KIF13B: variants seen among roughly 807,000 people sequenced by gnomAD.
KIF13B encodes the protein kinesin family member 13B, also known as kinesin-like protein KIF13B.
In KIF13B, 127 loss-of-function variants were observed where a neutral mutation model predicts 222.0. The observed-to-expected ratio is 0.57, with a 90% CI of 0.50 to 0.66. The LOEUF is 0.66. KIF13B is among the 30% of genes least tolerant of loss of function. KIF13B has a pLI of 0.00. For missense variants in KIF13B, 2,173 were observed against 2,379.0 expected, an observed-to-expected ratio of 0.91 and a Z score of 1.80; for synonymous variants, 976 against 919.0, an observed-to-expected ratio of 1.06 and a Z score of -1.12.
intron 2 of KIF13B, among the ~76,000 whole-genome samples, chr8:29,235,204 T>C (rs1031237391): frequency 6.6e-6 from 1 of 152,164 alleles, no homozygotes; most frequent in African/African-American, 2.4e-5. Flanking sequence ...TGAAACAGCA[T>C]TGACACAAAA....
intron 17 of KIF13B, 42 bp from the exon 18 acceptor site, chr8:29,146,582 A>C (rs755283548): frequency 5.1e-5 from 80 of 1,559,732 alleles, no homozygotes; most frequent in Non-Finnish European, 7.0e-5. Flanking sequence ...GGAAGAGATT[A>C]ACACAAAGCA....
intron 32 of KIF13B, 33 bp from the exon 33 acceptor site, chr8:29,110,103 T>G: frequency 6.5e-7 from 1 of 1,539,574 alleles, no homozygotes; most frequent in Non-Finnish European, 8.8e-7. Flanking sequence ...TTATAAAAGC[T>G]TCTTGATGTA....
Position 29,072,238 on chromosome 8 carries a change from T to C in KIF13B, c.4600A>G (p.Lys1534Glu), listed in dbSNP as rs1484870909. 5 of 1,470,936 alleles carry C rather than the reference T, an allele frequency of 3.4e-6. No individual in the cohort carries two copies. The highest frequency in any genetic ancestry group is 5.5e-5 in the East Asian group (2 of 36,652). The allele number at this position is 1,470,936 out of a possible 1,614,324, so 91.1% of individuals were successfully genotyped here. The change falls in exon 39 of 40, where the codon AAA becomes GAA. Residue 1534 changes from lysine (K) to glutamate (E), a missense_variant. Transcript: ENST00000524189. ...PALKICDKPA[K>E]VPSPPPVIAV... is the part of the protein sequence containing the mutation. Reference sequence around the variant, plus strand: ...ATGACAGGCGGTGGGGAAGGCACTTTGGCAGGTTTGTCGCAGATCTTCAAG... The same window carrying C: ...ATGACAGGCGGTGGGGAAGGCACTTCGGCAGGTTTGTCGCAGATCTTCAAG...
chr8:29,124,153 A>G (rs369415564), intron 26 of KIF13B, 30 bp from the exon 27 acceptor site: 20 of 1,289,062 alleles, frequency 1.6e-5, no homozygotes, highest in Non-Finnish European at 2.2e-5. Flanking sequence ...ATCATATTCA[A>G]TGTAATGTCA....
intron 37 of KIF13B, among the ~76,000 whole-genome samples, chr8:29,082,559 C>T (rs1016408255): frequency 4.6e-5 from 7 of 152,014 alleles, no homozygotes; most frequent in African/African-American, 1.7e-4. Context: ...GGAGGACTTG[C>T]GCCCAGGAGT....
intron 18 of KIF13B, 42 bp downstream of exon 18, chr8:29,146,336 T>C (rs1158142745): frequency 6.2e-7 from 1 of 1,602,006 alleles, no homozygotes; most frequent in African/African-American, 1.3e-5. Flanking sequence ...GGCGATCTTA[T>C]CCAATGAGAT....
At chr8:29,263,098 T>C, upstream of KIF13B, 1 of 1,497,196 alleles carries the variant, frequency 6.7e-7, no homozygotes, top group Non-Finnish European at 9.0e-7. Flanking sequence ...CTCTTCGGGG[T>C]TGACCCGGCG....
chr8:29,162,578 C>T (rs954232717), intron 12 of KIF13B, among the ~76,000 whole-genome samples: 38 of 152,194 alleles, frequency 2.5e-4, no homozygotes, highest in African/African-American at 9.2e-4. Flanking sequence ...CTAAGTTATC[C>T]TAGTTATCAC....
At chr8:29,178,698 G>A (rs542961067) in intron 8 of KIF13B, among the ~76,000 whole-genome samples, 4 of 147,702 alleles carry the variant, frequency 2.7e-5, no homozygotes, top group African/African-American at 9.9e-5. Flanking sequence ...GTTTTATGCT[G>A]AAAAGGAAAT....
At chr8:29,168,424 A>G (rs1812096039) in intron 10 of KIF13B, among the ~76,000 whole-genome samples, 1 of 151,992 alleles carries the variant, frequency 6.6e-6, no homozygotes, top group African/African-American at 2.4e-5. Context: ...TATGCAGGCG[A>G]CCTCCTGGCG....
At chr8:29,116,676 G>A (rs761717079) in intron 31 of KIF13B, among the ~76,000 whole-genome samples, 155 bp downstream of exon 31, 5 of 152,192 alleles carry the variant, frequency 3.3e-5, no homozygotes, top group African/African-American at 4.8e-5. Flanking sequence ...GAGGCTTGAA[G>A]CAAGCATGGG....
At chr8:29,105,068 G>T (rs1808990122) in intron 35 of KIF13B, among the ~76,000 whole-genome samples, 2 of 151,932 alleles carry the variant, frequency 1.3e-5, no homozygotes, top group African/African-American at 4.8e-5. Context: ...CCGGGCTCAA[G>T]TGATCCTCCC....
chr8:29,191,731 C>A (rs544534665), intron 3 of KIF13B, among the ~76,000 whole-genome samples: 33 of 152,308 alleles, frequency 2.2e-4, no homozygotes, highest in Admixed American at 5.2e-4. Context: ...TCACATAGTT[C>A]TTTTGCACTG....
chr8:29,071,501 G>C lies in KIF13B; in HGVS notation c.5218+119C>G, dbSNP rs1439863134. The C allele has an allele frequency of 2.2e-6, 2 of 902,256 alleles. No individual in the cohort carries two copies. The highest frequency in any genetic ancestry group is 3.4e-6 in the Non-Finnish European group (2 of 590,994). The allele number at this position is 902,256 out of a possible 1,614,324, so 55.9% of individuals were successfully genotyped here. On this transcript the variant is annotated intron_variant, in intron 39 of 39. Transcript: ENST00000524189. This position sits in a 1 kb window ranked among gnomAD's most constrained non-coding sequence, Gnocchi z 4.9. ...CAGCCGCTCCCGCAGCTTCAGCCAAGCCGCTGCCTCCCGGCCCCTCCCTCT... is the reference window on the plus strand; with the variant it reads ...CAGCCGCTCCCGCAGCTTCAGCCAACCCGCTGCCTCCCGGCCCCTCCCTCT...
chr8:29,084,907 T>C (rs1462002689), intron 37 of KIF13B, among the ~76,000 whole-genome samples: 1 of 152,252 alleles, frequency 6.6e-6, no homozygotes, highest in Non-Finnish European at 1.5e-5. Flanking sequence ...ACAGCAATTT[T>C]GTCAGCTGCC....
intron 26 of KIF13B, 36 bp from the exon 27 acceptor site, chr8:29,124,159 T>C: frequency 8.0e-7 from 1 of 1,245,208 alleles, no homozygotes; most frequent in Non-Finnish European, 1.2e-6. Context: ...TTCAATGTAA[T>C]GTCAAGATAA....
chr8:29,091,482 C>A (rs1371078884), intron 37 of KIF13B, among the ~76,000 whole-genome samples: 1 of 152,220 alleles, frequency 6.6e-6, no homozygotes, highest in Admixed American at 6.5e-5. Flanking sequence ...AAATAAGAAT[C>A]ACCACAGACA....
intron 10 of KIF13B, among the ~76,000 whole-genome samples, chr8:29,172,678 C>A (rs1652823213): frequency 6.6e-6 from 1 of 152,160 alleles, no homozygotes; most frequent in Non-Finnish European, 1.5e-5. Flanking sequence ...AGCGATGATT[C>A]CAATCCCGAT....
At position 29,116,899 on chromosome 8, in the gene KIF13B, G is replaced by A. The variant is rs762086583; in HGVS notation, c.3769C>T (p.Leu1257Phe). Residue 1257 changes from leucine (L) to phenylalanine (F), a missense_variant, in exon 31 of 40, where the codon CTC becomes TTC. Leu to Phe is a conservative substitution (Grantham distance 22). Around this residue, in one of 2 missense-constraint regions of KIF13B, gnomAD observed 1,480 missense variants for 1,722.8 expected, o/e 0.86. Transcript: ENST00000524189. Reference protein sequence around the residue: ...LFLIVRVTVQLSHPADMQLVL... With the variant: ...LFLIVRVTVQFSHPADMQLVL... ...AGTTGCATGTCAGCAGGGTGGCTGA[G>A]CTGGACCGTCACGCGCACGATCAGG... 4.3e-6 allele frequency: 7 copies of A among 1,613,786 alleles called. No individual in the cohort carries two copies. The highest frequency in any genetic ancestry group is 5.1e-6 in the Non-Finnish European group (6 of 1,179,702).
Sources: allele counts gnomAD v4.1 joint callset (sites outside exome capture counted in the v4.1 genomes callset), GRCh38; gene constraint gnomAD v4.1.1; regional missense constraint gnomAD v4.1.1; non-coding constraint Gnocchi (gnomAD v3.1); transcripts MANE v1.5; gene names NCBI Gene and HGNC (gene_info 2026-07-23, HGNC 2026-07-21).